The following PRKD3 variants were observed in gnomAD, a reference collection of about 807,000 sequenced individuals.
The protein encoded by PRKD3 is protein kinase D3, also known as serine/threonine-protein kinase D3.
In PRKD3, 47 loss-of-function variants were observed where a neutral mutation model predicts 99.2. The observed-to-expected ratio is 0.47, with a 90% CI of 0.38 to 0.60. The LOEUF (loss-of-function observed/expected upper bound fraction) is 0.60, where lower values mean the gene tolerates loss of function less well. Among genes scored for constraint, PRKD3 ranks in the 20% least tolerant of loss-of-function variants. The pLI is 0.00. For synonymous variants in PRKD3, 392 were observed against 355.4 expected (o/e 1.10, Z -1.16); for missense variants, 1,019 against 1,088.4 (o/e 0.94, Z 0.90).
chr2:37,313,743 T>C (rs775676706), intron 2 of PRKD3, among the ~76,000 whole-genome samples: 48 of 152,312 alleles, frequency 3.2e-4, no homozygotes, highest in Non-Finnish European at 4.9e-4. Context: ...TGATTTGACA[T>C]ACAAGTTTTC....
intron 6 of PRKD3, among the ~76,000 whole-genome samples, chr2:37,283,144 T>A (rs1339111264): frequency 1.3e-5 from 2 of 152,240 alleles, no homozygotes; most frequent in Non-Finnish European, 2.9e-5. Flanking sequence ...TTGATAGCAT[T>A]GCAGATCAGT....
At chr2:37,296,462 G>A (rs372402058) in intron 2 of PRKD3, among the ~76,000 whole-genome samples, 4 of 151,634 alleles carry the variant, frequency 2.6e-5, no homozygotes, top group East Asian at 3.9e-4. Flanking sequence ...ATTTCAGCAT[G>A]TTTTCATACT....
At chr2:37,321,866 G>A (rs779401442) in intron 1 of PRKD3, among the ~76,000 whole-genome samples, 3 of 152,158 alleles carry the variant, frequency 2.0e-5, no homozygotes, top group Non-Finnish European at 4.4e-5. Flanking sequence ...TTCCAGGAAG[G>A]CAAAATGCAT....
intron 1 of PRKD3, chr2:37,318,019 G>C (rs1299616447): frequency 2.0e-5 from 3 of 151,740 alleles, no homozygotes; most frequent in Non-Finnish European, 4.4e-5. Context: ...CATGGCTTAG[G>C]CGTGAAACAG....
chr2:37,317,238 A>T, intron 1 of PRKD3, 59 bp from the exon 2 acceptor site: 4 of 736,918 alleles, frequency 5.4e-6, no homozygotes, highest in Non-Finnish European at 6.6e-6. Context: ...ATTAATTTAA[A>T]AATAAGAACA....
intron 2 of PRKD3, among the ~76,000 whole-genome samples, chr2:37,301,362 A>G (rs1670920609): frequency 6.7e-6 from 1 of 148,774 alleles, no homozygotes; most frequent in Non-Finnish European, 1.5e-5. Context: ...AAAGGAGAAG[A>G]GCCTTTTTTT....
intron 2 of PRKD3, among the ~76,000 whole-genome samples, chr2:37,298,998 G>C (rs865850379): frequency 6.7e-6 from 1 of 149,938 alleles, no homozygotes; most frequent in East Asian, 2.0e-4. Flanking sequence ...TCCTTGTCTT[G>C]TTTCAGATCT....
intron 12 of PRKD3, among the ~76,000 whole-genome samples, chr2:37,270,284 TA>T (rs76789424): frequency 0.12 from 17,484 of 142,434 alleles, 1,412 homozygotes; most frequent in East Asian, 0.36. Context: ...CAAATCTACC[TA>T]AAAAAAATTA....
chr2:37,308,776 G>A (rs1323511467), intron 2 of PRKD3, among the ~76,000 whole-genome samples: 2 of 151,992 alleles, frequency 1.3e-5, no homozygotes, highest in East Asian at 3.9e-4. Flanking sequence ...TTAAGTGAAG[G>A]TCTATGTTAA....
At chr2:37,279,540 T>C in intron 8 of PRKD3, 1 of 360,702 alleles carries the variant, frequency 2.8e-6, no homozygotes, top group Non-Finnish European at 4.8e-6. Context: ...AAAACAAGGA[T>C]TCTCATACCT....
chr2:37,253,765 A>C (rs1482118272), intron 18 of PRKD3, among the ~76,000 whole-genome samples: 1 of 152,030 alleles, frequency 6.6e-6, no homozygotes, highest in African/African-American at 2.4e-5. Flanking sequence ...TCTGCCTCTC[A>C]CTCCCTATAA....
At chr2:37,281,485 G>C (rs1020129677) in intron 7 of PRKD3, among the ~76,000 whole-genome samples, 32 of 152,116 alleles carry the variant, frequency 2.1e-4, no homozygotes, top group African/African-American at 7.5e-4. Context: ...GGTATCTTTG[G>C]GATGGGTGCC....
chr2:37,316,166 G>A (rs1671645545), intron 2 of PRKD3, 71 bp downstream of exon 2: 6 of 1,418,984 alleles, frequency 4.2e-6, no homozygotes, highest in Admixed American at 1.9e-5. Context: ...TTAACTCACT[G>A]GTACACGTAT....
Position 37,282,485 on chromosome 2 carries a change from A to G in PRKD3, c.988+57T>C, listed in dbSNP as rs114918179. On this transcript the variant is annotated intron_variant, in intron 7 of 18. Coordinates refer to ENST00000234179, the MANE Select transcript of PRKD3 (RefSeq NM_005813.6). ...ACAGAACCTTATCCAAAGATAATAC[A>G]CCAAAGAATCATGGCCTTTTCTGAT... The G allele has an allele frequency of 1.2e-3, 1,338 of 1,105,708 alleles. 9 individuals carry two copies. The African/African-American group carries it at 0.017, about 14-fold the overall frequency. The allele number at this position is 1,105,708 out of a possible 1,614,324, so 68.5% of individuals were successfully genotyped here.
chr2:37,258,759 AAT>A (rs1173857817), intron 16 of PRKD3, among the ~76,000 whole-genome samples: 3 of 152,206 alleles, frequency 2.0e-5, no homozygotes, highest in Admixed American at 2.0e-4. Context: ...AACGATTTTT[AAT>A]ATATCTTTTT....
At chr2:37,270,780 T>G (rs1669197307) in intron 12 of PRKD3, among the ~76,000 whole-genome samples, 1 of 152,254 alleles carries the variant, frequency 6.6e-6, no homozygotes. Context: ...AACCAAATTT[T>G]GGTTCTAATC....
At chr2:37,293,789 T>G (rs975533073) in intron 2 of PRKD3, among the ~76,000 whole-genome samples, 4 of 152,352 alleles carry the variant, frequency 2.6e-5, no homozygotes, top group Non-Finnish European at 5.9e-5. Context: ...TAAATGCATT[T>G]GTCACAGAGA....
chr2:37,301,525 C>T (rs1249096492), intron 2 of PRKD3, among the ~76,000 whole-genome samples: 1 of 152,032 alleles, frequency 6.6e-6, no homozygotes, highest in Non-Finnish European at 1.5e-5. Flanking sequence ...CCTCAAACTC[C>T]TGGGCTCAAG....
At chr2:37,298,825 CAG>C (rs911734506) in intron 2 of PRKD3, among the ~76,000 whole-genome samples, 20 of 152,066 alleles carry the variant, frequency 1.3e-4, no homozygotes, top group Non-Finnish European at 1.6e-4. Flanking sequence ...GGTTTTTTGG[CAG>C]AGTCTTTAGG....
Sources: gnomAD v4.1 joint callset for allele counts (sites outside exome capture counted in the v4.1 genomes callset) on GRCh38, gnomAD v4.1.1 for gene constraint, MANE v1.5 for transcripts, NCBI Gene and HGNC (gene_info 2026-07-23, HGNC 2026-07-21) for gene names.